IL1RAPL1: variants seen among roughly 807,000 people sequenced by gnomAD.
IL1RAPL1 encodes the protein interleukin-1 receptor accessory protein-like 1.
In IL1RAPL1, 3 loss-of-function variants were observed where a neutral mutation model predicts 48.4. The ratio of observed to expected loss-of-function variants is 0.06; its 90% CI spans 0.03 to 0.16. The LOEUF (loss-of-function observed/expected upper bound fraction) is 0.16. Among genes scored for constraint, IL1RAPL1 ranks in the 10% least tolerant of loss-of-function variants. The probability of loss-of-function intolerance (pLI) is 1.00; values close to 1 mark genes in which losing one functional copy is unlikely to be tolerated. For missense variants in IL1RAPL1, 349 were observed against 530.6 expected (o/e 0.66, Z 3.36); for synonymous variants, 185 against 187.7 (o/e 0.99, Z 0.12).
chrX:28,629,232 T>C (rs1934374065), intron 1 of IL1RAPL1, among the ~76,000 whole-genome samples: 1 of 111,656 alleles, frequency 9.0e-6, no homozygotes, highest in African/African-American at 3.3e-5. Flanking sequence ...GAGACATTTA[T>C]GCAAAGAAAA....
chrX:28,983,122 A>G (rs758986570), intron 2 of IL1RAPL1, among the ~76,000 whole-genome samples: 23 of 112,371 alleles, frequency 2.0e-4, no homozygotes, highest in Non-Finnish European at 3.9e-4. Context: ...GTCTAGATGG[A>G]TCCTTGACTG....
chrX:29,688,667 C>T (rs1401701701), intron 6 of IL1RAPL1, among the ~76,000 whole-genome samples: 3 of 110,320 alleles, frequency 2.7e-5, no homozygotes, highest in Non-Finnish European at 5.7e-5. Context: ...AGTAAAAGTT[C>T]ATGAGATTAT....
intron 1 of IL1RAPL1, among the ~76,000 whole-genome samples, chrX:28,662,001 C>T (rs1934827684): frequency 9.0e-6 from 1 of 111,369 alleles, no homozygotes; most frequent in Non-Finnish European, 1.9e-5. Flanking sequence ...GCTGGTAAGG[C>T]TGGAACACTG....
At chrX:29,673,711 C>A (rs1343864389) in intron 6 of IL1RAPL1, among the ~76,000 whole-genome samples, 1 of 111,495 alleles carries the variant, frequency 9.0e-6, no homozygotes, top group African/African-American at 3.3e-5. Context: ...GTAATTAAAC[C>A]ATGGAAAGAT....
chrX:28,992,409 G>A (rs748498491), intron 2 of IL1RAPL1, among the ~76,000 whole-genome samples: 1 of 105,084 alleles, frequency 9.5e-6, no homozygotes, highest in South Asian at 4.4e-4. Flanking sequence ...AGAATTGCTT[G>A]AGCCTGGGAG....
chrX:28,908,463 A>T (rs935394762), intron 2 of IL1RAPL1, among the ~76,000 whole-genome samples: 1 of 111,344 alleles, frequency 9.0e-6, no homozygotes, highest in African/African-American at 3.3e-5. Flanking sequence ...ATTTATTTGG[A>T]AGTATGTTTA....
chrX:28,807,720 A>G (rs1569177301), intron 2 of IL1RAPL1, among the ~76,000 whole-genome samples: 1 of 111,437 alleles, frequency 9.0e-6, no homozygotes, highest in Non-Finnish European at 1.9e-5. Flanking sequence ...TAAACTTTAT[A>G]GATGTACGCC....
At chrX:29,850,047 A>G (rs967682063) in intron 6 of IL1RAPL1, among the ~76,000 whole-genome samples, 1 of 111,425 alleles carries the variant, frequency 9.0e-6, no homozygotes, top group African/African-American at 3.3e-5. Context: ...GTCTCTCTCA[A>G]CAAGAGTGAA....
intron 1 of IL1RAPL1, among the ~76,000 whole-genome samples, chrX:28,643,987 G>A (rs1304559705): frequency 9.0e-6 from 1 of 111,674 alleles, no homozygotes; most frequent in Non-Finnish European, 1.9e-5. Context: ...AAACATCTTT[G>A]CCCTATTATG....
intron 2 of IL1RAPL1, among the ~76,000 whole-genome samples, chrX:29,146,812 A>G (rs1569246105): frequency 8.9e-6 from 1 of 112,241 alleles, no homozygotes. Flanking sequence ...TTGAGCAGGA[A>G]AATATCTCAT....
At chrX:29,915,756 A>ATTATT (rs1569202209) in intron 6 of IL1RAPL1, among the ~76,000 whole-genome samples, 6 of 45,695 alleles carry the variant, frequency 1.3e-4, no homozygotes, top group Admixed American at 7.1e-4. Flanking sequence ...TATTTTTATT[A>ATTATT]TTTTTATTAT....
intron 1 of IL1RAPL1, among the ~76,000 whole-genome samples, chrX:28,737,051 T>C (rs6630744): frequency 1.6e-4 from 3 of 18,280 alleles, no homozygotes; most frequent in East Asian, 4.4e-3. Flanking sequence ...TATTTCCTTT[T>C]CTTTTCTTTT....
chrX:29,942,162 T>G (rs1454822240), intron 9 of IL1RAPL1, among the ~76,000 whole-genome samples: 1 of 112,104 alleles, frequency 8.9e-6, no homozygotes, highest in Non-Finnish European at 1.9e-5. Flanking sequence ...TAATTGTGTT[T>G]TCTAGCCCAG....
chrX:29,075,061 T>C, intron 2 of IL1RAPL1, among the ~76,000 whole-genome samples: 1 of 112,009 alleles, frequency 8.9e-6, no homozygotes, highest in East Asian at 2.8e-4. Context: ...TTTCAAAAAC[T>C]GAAGGATTTG....
intron 5 of IL1RAPL1, among the ~76,000 whole-genome samples, chrX:29,636,331 A>G (rs146584791): frequency 0.022 from 2,465 of 112,038 alleles, 64 homozygotes; most frequent in African/African-American, 0.076. Context: ...ACTTAAAACA[A>G]TAGTGAGTTC....
intron 5 of IL1RAPL1, among the ~76,000 whole-genome samples, chrX:29,583,106 A>G (rs1189593253): frequency 9.4e-6 from 1 of 105,908 alleles, no homozygotes; most frequent in Non-Finnish European, 1.9e-5. Context: ...CCCACAGCCA[A>G]TATCATACTG....
At chrX:28,623,668 T>A (rs1008460219) in intron 1 of IL1RAPL1, among the ~76,000 whole-genome samples, 1 of 112,193 alleles carries the variant, frequency 8.9e-6, no homozygotes, top group Non-Finnish European at 1.9e-5. Flanking sequence ...AAGTTTTATC[T>A]TAAACCTTGA....
chrX:28,829,785 C>G (rs917755422), intron 2 of IL1RAPL1, among the ~76,000 whole-genome samples: 5 of 110,306 alleles, frequency 4.5e-5, no homozygotes, highest in Non-Finnish European at 9.5e-5. Context: ...GTCTCGAGCT[C>G]CTGACCTCAT....
At chrX:28,953,728 T>C (rs1429594236) in intron 2 of IL1RAPL1, among the ~76,000 whole-genome samples, 3 of 110,968 alleles carry the variant, frequency 2.7e-5, no homozygotes, top group African/African-American at 9.8e-5. Flanking sequence ...ATTGTAACTT[T>C]TTTTACATTA....
Sources: allele counts gnomAD v4.1 joint callset (sites outside exome capture counted in the v4.1 genomes callset), GRCh38; gene constraint gnomAD v4.1.1; transcripts MANE v1.5; gene names NCBI Gene and HGNC (gene_info 2026-07-23, HGNC 2026-07-21).